The following ERBB4 variants were observed in gnomAD, a reference collection of about 807,000 sequenced individuals.
ERBB4 encodes receptor tyrosine-protein kinase erbB-4.
ERBB4 carries 42 observed loss-of-function variants against 158.0 expected under a neutral mutation model. The ratio of observed to expected loss-of-function variants is 0.27; its 90% confidence interval spans 0.21 to 0.34. ERBB4 has a LOEUF of 0.34. Among genes scored for constraint, ERBB4 ranks in the 10% least tolerant of loss-of-function variants. The pLI is 1.00. For synonymous variants in ERBB4, 583 were observed against 558.7 expected, an observed-to-expected ratio of 1.04 and a Z score of -0.61; for missense variants, 1,333 against 1,624.1, an observed-to-expected ratio of 0.82 and a Z score of 3.08.
At chr2:212,423,582 G>A (rs576171911) in intron 1 of ERBB4, among the ~76,000 whole-genome samples, 43 of 152,230 alleles carry the variant, frequency 2.8e-4, no homozygotes, top group African/African-American at 9.6e-4. Flanking sequence ...GCTGTATAAA[G>A]CTTCTGGGTT....
chr2:212,094,287 A>T (rs1353531554), intron 2 of ERBB4, among the ~76,000 whole-genome samples: 1 of 149,988 alleles, frequency 6.7e-6, no homozygotes, highest in Admixed American at 6.6e-5. Context: ...AAATAAAATA[A>T]AATTAAATTA....
chr2:211,615,069 G>T (rs1339937050), intron 19 of ERBB4, among the ~76,000 whole-genome samples: 1 of 152,004 alleles, frequency 6.6e-6, no homozygotes, highest in Non-Finnish European at 1.5e-5. Context: ...CGAATGCAAA[G>T]CCATGACTGT....
intron 1 of ERBB4, among the ~76,000 whole-genome samples, chr2:212,401,040 C>T (rs967554559): frequency 6.6e-6 from 1 of 152,062 alleles, no homozygotes; most frequent in Non-Finnish European, 1.5e-5. Flanking sequence ...GCACTTAATG[C>T]CAATTTTAAG....
intron 20 of ERBB4, among the ~76,000 whole-genome samples, chr2:211,498,964 C>T (rs368232665): frequency 6.6e-6 from 1 of 152,130 alleles, no homozygotes; most frequent in African/African-American, 2.4e-5. Context: ...GGGAATTGCC[C>T]AACAATGGGT....
chr2:211,915,804 T>C (rs1480842410), intron 3 of ERBB4, among the ~76,000 whole-genome samples: 2 of 151,888 alleles, frequency 1.3e-5, no homozygotes, highest in Non-Finnish European at 2.9e-5. Flanking sequence ...ATAGTAATAA[T>C]ATATGTAAGT....
At chr2:211,994,457 T>A (rs1156978614) in intron 2 of ERBB4, among the ~76,000 whole-genome samples, 1 of 152,174 alleles carries the variant, frequency 6.6e-6, no homozygotes, top group Admixed American at 6.6e-5. Context: ...TAACTTACAT[T>A]ATGTCCATTT....
intron 1 of ERBB4, among the ~76,000 whole-genome samples, chr2:212,494,731 C>T (rs1015300973): frequency 5.3e-5 from 8 of 152,042 alleles, no homozygotes; most frequent in African/African-American, 1.9e-4. Context: ...ATCCACATGC[C>T]TGTATTTCTT....
intron 1 of ERBB4, among the ~76,000 whole-genome samples, chr2:212,345,205 G>A (rs1353680403): frequency 7.5e-6 from 1 of 134,132 alleles, no homozygotes; most frequent in East Asian, 2.3e-4. Flanking sequence ...GGTGGAGCTT[G>A]CAGTGAGCCC....
chr2:211,502,997 G>C (rs6717945), intron 20 of ERBB4, among the ~76,000 whole-genome samples: 6,881 of 152,126 alleles, frequency 0.045, 549 homozygotes, highest in African/African-American at 0.16. Flanking sequence ...GTTGAAGAGG[G>C]AGGAAGCATG....
At chr2:212,370,837 A>G (rs1303074596) in intron 1 of ERBB4, among the ~76,000 whole-genome samples, 9 of 152,146 alleles carry the variant, frequency 5.9e-5, no homozygotes, top group Non-Finnish European at 1.5e-5. Context: ...CTTTACCTTT[A>G]GTTATATTTA....
intron 3 of ERBB4, among the ~76,000 whole-genome samples, chr2:211,897,500 A>G (rs1397765713): frequency 1.3e-5 from 2 of 151,502 alleles, no homozygotes; most frequent in Non-Finnish European, 2.9e-5. Context: ...CAAAATTGGG[A>G]ACATGAAAGC....
At chr2:211,603,819 G>A (rs1308138006) in intron 19 of ERBB4, among the ~76,000 whole-genome samples, 3 of 152,162 alleles carry the variant, frequency 2.0e-5, no homozygotes, top group Non-Finnish European at 4.4e-5. Context: ...CACACAAGCT[G>A]GGCAGAAGCT....
intron 1 of ERBB4, among the ~76,000 whole-genome samples, chr2:212,303,789 C>A (rs923278283): frequency 2.6e-5 from 4 of 151,426 alleles, no homozygotes; most frequent in Non-Finnish European, 5.9e-5. Context: ...CTTGTTTTCA[C>A]AAAGCCATGT....
intron 19 of ERBB4, among the ~76,000 whole-genome samples, chr2:211,614,410 A>C (rs1367311269): frequency 6.6e-6 from 1 of 152,052 alleles, no homozygotes; most frequent in East Asian, 1.9e-4. Context: ...AAGATGACTT[A>C]ATGAGTGTGA....
At chr2:211,807,060 A>T (rs1467055848) in intron 3 of ERBB4, among the ~76,000 whole-genome samples, 1 of 151,982 alleles carries the variant, frequency 6.6e-6, no homozygotes, top group Non-Finnish European at 1.5e-5. Flanking sequence ...ATAATTAATT[A>T]TATTTTAAAT....
intron 1 of ERBB4, among the ~76,000 whole-genome samples, chr2:212,351,011 T>C (rs906235649): frequency 7.2e-5 from 11 of 152,254 alleles, no homozygotes; most frequent in Middle Eastern, 3.4e-3. Context: ...ACTGGCTGAA[T>C]CATATCCCCC....
chr2:211,549,495 G>T (rs1348753467), intron 20 of ERBB4, among the ~76,000 whole-genome samples: 1 of 152,088 alleles, frequency 6.6e-6, no homozygotes, highest in Non-Finnish European at 1.5e-5. Flanking sequence ...CCAGGCCCTG[G>T]AGGACTGAGT....
intron 3 of ERBB4, among the ~76,000 whole-genome samples, chr2:211,870,744 T>C (rs1460530995): frequency 2.0e-5 from 3 of 152,054 alleles, no homozygotes; most frequent in Non-Finnish European, 4.4e-5. Flanking sequence ...ATTTTTATTA[T>C]ATATATATGT....
intron 1 of ERBB4, among the ~76,000 whole-genome samples, chr2:212,456,791 T>C (rs1194443740): frequency 1.3e-5 from 2 of 151,938 alleles, no homozygotes; most frequent in African/African-American, 4.8e-5. Flanking sequence ...TTCAGAAAAT[T>C]AAAAAATAAT....
Sources: gnomAD v4.1 joint callset for allele counts (sites outside exome capture counted in the v4.1 genomes callset) on GRCh38, gnomAD v4.1.1 for gene constraint, MANE v1.5 for transcripts, NCBI Gene and HGNC (gene_info 2026-07-23, HGNC 2026-07-21) for gene names.